Variants in APCDD1L observed in about 807,000 individuals in gnomAD.
APCDD1L encodes protein APCDD1-like.
Under a neutral mutation model 24.2 loss-of-function variants are expected in APCDD1L, and 21 were observed. The observed-to-expected ratio is 0.87, with a 90% CI of 0.61 to 1.25. The LOEUF is 1.25. Among genes scored for constraint, APCDD1L ranks in the 50% most tolerant of loss-of-function variants. The pLI, the probability that APCDD1L is intolerant of heterozygous loss-of-function variation, is 0.00. For synonymous variants in APCDD1L, 321 were observed against 323.6 expected, an observed-to-expected ratio of 0.99 and a Z score of 0.09; for missense variants, 704 against 711.7, an observed-to-expected ratio of 0.99 and a Z score of 0.12.
chr20:58,478,798 T>C (rs1989965235), intron 1 of APCDD1L, among the ~76,000 whole-genome samples: 1 of 151,956 alleles, frequency 6.6e-6, no homozygotes, highest in Non-Finnish European at 1.5e-5. Flanking sequence ...GCTGTTGGGA[T>C]TGCCAAGAAT....
At position 58,494,128 on chromosome 20, in the gene APCDD1L, T is replaced by A. The variant is rs1322092755; in HGVS notation, c.49+20531A>T. Among the ~76,000 whole-genome samples the A allele has an allele frequency of 6.6e-6, 1 of 152,140 alleles. No individual in the cohort carries two copies. The highest frequency in any genetic ancestry group is 1.5e-5 in the Non-Finnish European group (1 of 68,020). ...GGTCTTCATCCTCATCACCTTCATG[T>A]TGAGTAGGCTGAGGAGGAGGAGGAA... On this transcript the variant is annotated intron_variant, in intron 1 of 3. Coordinates refer to ENST00000371149, the MANE Select transcript of APCDD1L (RefSeq NM_153360.3). This position sits in a 1 kb window ranked among gnomAD's most constrained non-coding sequence, Gnocchi z 4.8.
intron 1 of APCDD1L, among the ~76,000 whole-genome samples, chr20:58,478,475 T>C (rs962616052): frequency 6.6e-6 from 1 of 151,352 alleles, no homozygotes; most frequent in Non-Finnish European, 1.5e-5. Context: ...ACTCCACGAG[T>C]CTGCCAGCCT....
chr20:58,513,814 T>TG, intron 1 of APCDD1L: 1 of 1,148,406 alleles, frequency 8.7e-7, no homozygotes. Flanking sequence ...TGGCCATGCT[T>TG]ACCCAAAGCC....
chr20:58,503,459 T>G (rs1990479920), intron 1 of APCDD1L, among the ~76,000 whole-genome samples: 1 of 152,238 alleles, frequency 6.6e-6, no homozygotes, highest in Non-Finnish European at 1.5e-5. Context: ...AAAGCAACTC[T>G]AAGTGTACAT....
At chr20:58,462,661 C>T (rs6100073) in intron 3 of APCDD1L, among the ~76,000 whole-genome samples, 5,949 of 151,936 alleles carry the variant, frequency 0.039, 323 homozygotes, top group African/African-American at 0.13. Flanking sequence ...CTGGCCAACA[C>T]GGTGAAAACT....
At chr20:58,486,009 C>T (rs1220000699) in intron 1 of APCDD1L, among the ~76,000 whole-genome samples, 1 of 152,148 alleles carries the variant, frequency 6.6e-6, no homozygotes, top group Middle Eastern at 3.2e-3. Context: ...TAGAAGAAAG[C>T]ATTATTATTT....
chr20:58,461,513 G>T lies in APCDD1L; in HGVS notation c.783C>A (p.Arg261=). The T allele has an allele frequency of 6.9e-7, 1 of 1,448,758 alleles. No individual in the cohort carries two copies. Among genetic ancestry groups the T allele is most frequent in the Non-Finnish European group, 9.1e-7 (1 of 1,096,514 alleles). The allele number at this position is 1,448,758 out of a possible 1,614,324, so 89.7% of individuals were successfully genotyped here. Residue 261 remains arginine (R), a synonymous_variant, in exon 4 of 4, where the codon CGC becomes CGA. Transcript: ENST00000371149. The surrounding 1 kb of genome is among the most constrained non-coding windows in gnomAD (Gnocchi z 6.0). ...GCACGGGCGGGTGGTGCACATCGGA[G>T]CGGGCAATGAGGCCACAGGCTGGGC... ...QPCPACGLIA[R]SDVHHPPVLP... is the part of the protein sequence containing the mutation.
chr20:58,499,607 C>A (rs1990393058), intron 1 of APCDD1L, among the ~76,000 whole-genome samples: 1 of 152,224 alleles, frequency 6.6e-6, no homozygotes, highest in Non-Finnish European at 1.5e-5. Context: ...TGGCTCCTTC[C>A]TCCCTCCATC....
chr20:58,480,475 G>A (rs943524075), intron 1 of APCDD1L, among the ~76,000 whole-genome samples: 6 of 152,324 alleles, frequency 3.9e-5, no homozygotes, highest in Admixed American at 3.9e-4. Flanking sequence ...TCTGGACCAC[G>A]GGATGGAGGA....
In APCDD1L at chr20:58,463,902, G is replaced by GA. The variant is rs940412455; in HGVS notation, c.742-2349_742-2348insT. On this transcript the variant is annotated intron_variant, in intron 3 of 3. Transcript: ENST00000371149. Reference sequence around the variant, plus strand: ...TGAGAACAGTTTTTTTTTGGGGGGGGGGGGCGTCACATTTTATAAGCTGTT... The same window carrying GA: ...TGAGAACAGTTTTTTTTTGGGGGGGGAGGGGCGTCACATTTTATAAGCTGTT... Among the ~76,000 whole-genome samples the GA allele has an allele frequency of 4.5e-5, 6 of 133,640 alleles. 1 individual carries two copies. Among genetic ancestry groups the GA allele is most frequent in the African/African-American group, 1.1e-4 (4 of 37,842 alleles). 87.7% of individuals were successfully genotyped at this position (133,640 alleles called of 152,430 possible).
intron 1 of APCDD1L, among the ~76,000 whole-genome samples, chr20:58,513,068 C>T (rs1990659760): frequency 6.6e-6 from 1 of 152,220 alleles, no homozygotes; most frequent in Admixed American, 6.5e-5. Context: ...CTGCCAAAGA[C>T]AACAGCCATG....
At chr20:58,509,992 T>A (rs1490460869) in intron 1 of APCDD1L, among the ~76,000 whole-genome samples, 1 of 152,206 alleles carries the variant, frequency 6.6e-6, no homozygotes, top group Non-Finnish European at 1.5e-5. Context: ...TCTTTTCTTT[T>A]GCATCTAAGC....
At chr20:58,479,913 AC>A (rs1158160161) in intron 1 of APCDD1L, among the ~76,000 whole-genome samples, 1 of 152,206 alleles carries the variant, frequency 6.6e-6, no homozygotes, top group Non-Finnish European at 1.5e-5. Context: ...AAGTCACTGC[AC>A]AAAAGGCATG....
intron 3 of APCDD1L, among the ~76,000 whole-genome samples, chr20:58,465,303 C>T (rs1014232243): frequency 6.6e-6 from 1 of 152,168 alleles, no homozygotes; most frequent in African/African-American, 2.4e-5. Flanking sequence ...TCGTGCTCCT[C>T]CTCTGCTATC....
chr20:58,489,685 GAAA>G (rs3070367), intron 1 of APCDD1L, among the ~76,000 whole-genome samples: 2 of 142,434 alleles, frequency 1.4e-5, no homozygotes, highest in African/African-American at 2.6e-5. Context: ...ACTTTGTGTG[GAAA>G]AAAAAAAAAA....
At chr20:58,489,458 C>T (rs541964547) in intron 1 of APCDD1L, among the ~76,000 whole-genome samples, 22 of 152,106 alleles carry the variant, frequency 1.4e-4, no homozygotes, top group African/African-American at 4.8e-4. Context: ...CCAAGGCAGG[C>T]GGATCACGAG....
chr20:58,476,880 C>CT, intron 1 of APCDD1L, among the ~76,000 whole-genome samples: 1 of 152,344 alleles, frequency 6.6e-6, no homozygotes, highest in South Asian at 2.1e-4. Flanking sequence ...CTGCTCTGTG[C>CT]TGGGCTCTCC....
chr20:58,511,766 G>A (rs1348507017), intron 1 of APCDD1L, among the ~76,000 whole-genome samples: 2 of 152,042 alleles, frequency 1.3e-5, no homozygotes, highest in Non-Finnish European at 2.9e-5. Context: ...TTTTATTCTG[G>A]GTTTCAAGGC....
At chr20:58,507,110 C>CT (rs1390932625) in intron 1 of APCDD1L, among the ~76,000 whole-genome samples, 2 of 152,150 alleles carry the variant, frequency 1.3e-5, no homozygotes, top group African/African-American at 2.4e-5. Flanking sequence ...GGGGGCAGGT[C>CT]TTTCCTGTGC....
Sources: allele counts gnomAD v4.1 joint callset (sites outside exome capture counted in the v4.1 genomes callset), GRCh38; gene constraint gnomAD v4.1.1; non-coding constraint Gnocchi (gnomAD v3.1); transcripts MANE v1.5; gene names NCBI Gene and HGNC (gene_info 2026-07-23, HGNC 2026-07-21).